Variants in ADCY5 observed in about 807,000 individuals in gnomAD.
ADCY5 encodes the protein adenylate cyclase type 5.
A neutral mutation model predicts 119.7 loss-of-function variants in ADCY5; 30 were observed. The observed-to-expected ratio is 0.25, with a 90% confidence interval of 0.19 to 0.34. ADCY5 has a LOEUF of 0.34. Ranked by LOEUF, ADCY5 falls within the 10% of genes least tolerant of loss-of-function variation. The pLI, the probability that ADCY5 is intolerant of heterozygous loss-of-function variation, is 1.00. For synonymous variants in ADCY5, 753 were observed against 762.2 expected (o/e 0.99, Z 0.20); for missense variants, 1,324 against 1,775.2 (o/e 0.75, Z 4.57).
At chr3:123,316,193 C>T (rs898836682) in intron 11 of ADCY5, among the ~76,000 whole-genome samples, 1 of 152,044 alleles carries the variant, frequency 6.6e-6, no homozygotes, top group South Asian at 2.1e-4. Flanking sequence ...AATGTAGACC[C>T]CCCCCAACCT....
chr3:123,310,404 G>A (rs1940499215), intron 12 of ADCY5, among the ~76,000 whole-genome samples: 1 of 152,148 alleles, frequency 6.6e-6, no homozygotes, highest in African/African-American at 2.4e-5. Context: ...GCCAAAGAGG[G>A]AAGGGGCTGC....
intron 1 of ADCY5, among the ~76,000 whole-genome samples, chr3:123,361,840 T>C (rs1415574687): frequency 6.6e-6 from 1 of 152,228 alleles, no homozygotes; most frequent in African/African-American, 2.4e-5. Flanking sequence ...TTATACAACA[T>C]TTTAAAATAA....
chr3:123,357,758 A>G (rs553027367), intron 1 of ADCY5, among the ~76,000 whole-genome samples: 2 of 152,318 alleles, frequency 1.3e-5, no homozygotes, highest in Admixed American at 1.3e-4. Flanking sequence ...TCTGGGCACC[A>G]GGTCTTAAAG....
At position 123,317,711 on chromosome 3, in the gene ADCY5, G is replaced by A. The variant is rs141611776; in HGVS notation, c.2354+309C>T. On this transcript the variant is annotated intron_variant, in intron 11 of 20. Transcript: ENST00000462833. ...GATCATGCCTCTGCACTCCAGCCTG[G>A]GCAACAGAGCGAGACGCTGTGTCCC... is the stretch of plus-strand genomic sequence containing the variant. Among the ~76,000 whole-genome samples, 825 of 151,220 alleles carry A rather than the reference G, an allele frequency of 5.5e-3. 2 individuals are homozygous for A. The highest frequency in any genetic ancestry group is 8.4e-3 in the Non-Finnish European group (568 of 67,834).
chr3:123,419,423 C>T (rs1037471464), intron 1 of ADCY5, among the ~76,000 whole-genome samples: 1 of 152,180 alleles, frequency 6.6e-6, no homozygotes, highest in Admixed American at 6.5e-5. Context: ...CTACTCCCAC[C>T]TCAGGCCCCA....
chr3:123,358,195 T>TGTGTGTGTGTGTGA lies in ADCY5; in HGVS notation c.1135-5615_1135-5614insTCACACACACACAC, dbSNP rs58986112. On this transcript the variant is annotated intron_variant, in intron 1 of 20. Coordinates refer to ENST00000462833, the MANE Select transcript of ADCY5 (RefSeq NM_183357.3). ...GTGTGTGTGTGTGTGTGTGTGTGTG[T>TGTGTGTGTGTGTGA]AGGGAGTTGGTGGTATGGCGGAGCA... Among the ~76,000 whole-genome samples the TGTGTGTGTGTGTGA allele has an allele frequency of 3.4e-3, 503 of 149,182 alleles. 14 individuals carry two copies. The highest frequency in any genetic ancestry group is 0.011 in the African/African-American group (441 of 40,028).
In ADCY5 at chr3:123,291,123, TC is replaced by T; in HGVS notation, c.3316del (p.Asp1106ThrfsTer51). The T allele has an allele frequency of 6.2e-7, 1 of 1,612,768 alleles. No individual in the cohort carries two copies. Among genetic ancestry groups the T allele is most frequent in the Non-Finnish European group, 8.5e-7 (1 of 1,179,180 alleles). ...GGCCCCGCTGTGCACCTCATCAAAG[TC>T]AGCGATGATCTCATTGAGTAGCCGC... ...CLRLLNEIIA[D>X]FDEIISEDRF... On this transcript the variant is annotated frameshift_variant, in exon 18 of 21. Coordinates refer to ENST00000462833, the MANE Select transcript of ADCY5 (RefSeq NM_183357.3). LOFTEE classifies it high-confidence loss of function.
intron 1 of ADCY5, among the ~76,000 whole-genome samples, chr3:123,430,965 C>T (rs527403163): frequency 6.6e-6 from 1 of 152,332 alleles, no homozygotes; most frequent in African/African-American, 2.4e-5. Flanking sequence ...GTACAAGCCC[C>T]ATCCTTTCCT....
In ADCY5 at chr3:123,300,100, G is replaced by A. The variant is rs368623636; in HGVS notation, c.2900+20C>T. 94 of 1,612,108 alleles carry A rather than the reference G, an allele frequency of 5.8e-5. No individual in the cohort carries two copies. The highest frequency in any genetic ancestry group is 1.5e-4 in the African/African-American group (11 of 74,926). On this transcript the variant is annotated intron_variant, in intron 15 of 20. Coordinates refer to ENST00000462833, the MANE Select transcript of ADCY5 (RefSeq NM_183357.3). ...CAATGTCTCATGCCCAGTGGGGAGC[G>A]TGAGGGAGGTGCCCCATACATGGCG...
chr3:123,304,280 C>A (rs1030744963), intron 12 of ADCY5, 97 bp from the exon 13 acceptor site: 1 of 785,286 alleles, frequency 1.3e-6, no homozygotes, highest in Non-Finnish European at 2.2e-6. Flanking sequence ...GTGGACCCAC[C>A]TGTGTCTCTC....
At chr3:123,419,468 A>G (rs1348842233) in intron 1 of ADCY5, among the ~76,000 whole-genome samples, 2 of 151,662 alleles carry the variant, frequency 1.3e-5, no homozygotes, top group Non-Finnish European at 1.5e-5. Flanking sequence ...AGCCTCCTCA[A>G]TCCTGTAAAT....
At chr3:123,285,108 C>T (rs542335131) in intron 20 of ADCY5, among the ~76,000 whole-genome samples, 2 of 152,324 alleles carry the variant, frequency 1.3e-5, no homozygotes, top group East Asian at 1.9e-4. Context: ...GGCTGCAGCC[C>T]GTCTCCAAGT....
Position 123,327,634 on chromosome 3 carries a change from C to T in ADCY5, c.1931G>A (p.Arg644His), listed in dbSNP as rs777315771. 3.7e-6 allele frequency: 6 copies of T among 1,613,928 alleles called. No individual in the cohort carries two copies. The highest frequency in any genetic ancestry group is 2.2e-5 in the East Asian group (1 of 44,874). The change falls in exon 7 of 21, where the codon CGC becomes CAC. Residue 644 changes from arginine to histidine, a missense_variant. Around this residue, in one of 6 missense-constraint regions of ADCY5, gnomAD observed 424 missense variants for 546.8 expected, o/e 0.78. Transcript: ENST00000462833. The part of the protein sequence containing the change: ...EHSIETFLIL[R>H]CTQKRKEEKA... The stretch of plus-strand genomic sequence containing the variant: ...CCCACAGACCCGCTTCTGGGTGCAG[C>T]GCAGGATGAGGAAGGTCTCGATACT...
chr3:123,407,793 G>C (rs76598911), intron 1 of ADCY5, among the ~76,000 whole-genome samples: 2,503 of 146,340 alleles, frequency 0.017, 113 homozygotes, highest in African/African-American at 0.061. Flanking sequence ...CAAAGTGAAA[G>C]AAGTCAGACA....
chr3:123,352,311 C>A lies in ADCY5; in HGVS notation c.1284+121G>T. 7.6e-7 allele frequency: 1 copy of A among 1,311,378 alleles called. No individual in the cohort carries two copies. Among genetic ancestry groups the A allele is most frequent in the Non-Finnish European group, 1.0e-6 (1 of 983,462 alleles). The allele number at this position is 1,311,378 out of a possible 1,614,324, so 81.2% of individuals were successfully genotyped here. A position where few individuals can be genotyped will look rare whatever the true frequency, so the allele number is the denominator to read the frequency against. ...GAAACATTCCCCATGGGTTGGTCCC[C>A]TCCCGGGGAGTGGGGCTGGCAGCCG... On this transcript the variant is annotated intron_variant, in intron 2 of 20. Transcript: ENST00000462833. The surrounding 1 kb of genome is among the most constrained non-coding windows in gnomAD (Gnocchi z 4.8).
At position 123,327,604 on chromosome 3, in the gene ADCY5, C is replaced by T. The variant is rs1185376003; in HGVS notation, c.1947+14G>A. The T allele has an allele frequency of 1.9e-6, 3 of 1,610,994 alleles. No individual in the cohort carries two copies. The highest frequency in any genetic ancestry group is 2.5e-6 in the Non-Finnish European group (3 of 1,178,210). The stretch of plus-strand genomic sequence containing the variant: ...AAGGGAGCCCCTCAGCCCCCCGGCC[C>T]CCAGCCCACAGACCCGCTTCTGGGT... On this transcript the variant is annotated intron_variant, in intron 7 of 20. Transcript: ENST00000462833.
At chr3:123,363,282 G>T (rs955465645) in intron 1 of ADCY5, among the ~76,000 whole-genome samples, 1 of 102,374 alleles carries the variant, frequency 9.8e-6, no homozygotes, top group African/African-American at 3.0e-5. Flanking sequence ...AGTAAGCAAA[G>T]AAATAACAAT....
intron 12 of ADCY5, among the ~76,000 whole-genome samples, chr3:123,307,772 G>C (rs895370246): frequency 5.3e-5 from 8 of 152,136 alleles, no homozygotes; most frequent in African/African-American, 1.9e-4. Flanking sequence ...GACTGATAGA[G>C]GCAAAGGTTA....
At chr3:123,446,250 C>T (rs1042104777) in intron 1 of ADCY5, among the ~76,000 whole-genome samples, 7 of 152,060 alleles carry the variant, frequency 4.6e-5, no homozygotes, top group African/African-American at 1.7e-4. Context: ...AAGAAAGATG[C>T]GGTACTCAAG....
Sources: gnomAD v4.1 joint callset for allele counts (sites outside exome capture counted in the v4.1 genomes callset) on GRCh38, gnomAD v4.1.1 for gene constraint, gnomAD v4.1.1 regional missense constraint, Gnocchi (gnomAD v3.1) non-coding constraint, MANE v1.5 for transcripts, NCBI Gene and HGNC (gene_info 2026-07-23, HGNC 2026-07-21) for gene names.